SPPL3: variants seen among roughly 807,000 people sequenced by gnomAD.
SPPL3 encodes signal peptide peptidase-like 3.
In SPPL3, 5 loss-of-function variants were observed where a neutral mutation model predicts 42.4. The ratio of observed to expected loss-of-function variants is 0.12; its 90% CI spans 0.06 to 0.25. SPPL3 has a LOEUF of 0.25. SPPL3 is among the 10% of genes least tolerant of loss of function. The probability of loss-of-function intolerance (pLI) is 1.00; values close to 1 mark genes in which losing one functional copy is unlikely to be tolerated. For missense variants in SPPL3, 235 were observed against 489.0 expected (o/e 0.48, Z 4.90); for synonymous variants, 195 against 181.8 (o/e 1.07, Z -0.58).
chr12:120,863,322 T>G (rs1243774756), intron 1 of SPPL3, among the ~76,000 whole-genome samples: 1 of 151,470 alleles, frequency 6.6e-6, no homozygotes, highest in Non-Finnish European at 1.5e-5. Context: ...CACCCCAGCC[T>G]GGGTGACAGA....
chr12:120,874,737 A>C (rs987730841), intron 1 of SPPL3, among the ~76,000 whole-genome samples: 3 of 151,434 alleles, frequency 2.0e-5, no homozygotes, highest in African/African-American at 7.3e-5. Flanking sequence ...TGTGGGGGAG[A>C]GTTTGGGATA....
chr12:120,798,271 G>A (rs995294921), intron 2 of SPPL3, among the ~76,000 whole-genome samples: 2 of 152,110 alleles, frequency 1.3e-5, no homozygotes, highest in African/African-American at 4.8e-5. Flanking sequence ...TTCATATACA[G>A]TATTTGAGAC....
chr12:120,899,610 G>A (rs1873911866), intron 1 of SPPL3, among the ~76,000 whole-genome samples: 1 of 152,028 alleles, frequency 6.6e-6, no homozygotes, highest in Non-Finnish European at 1.5e-5. Context: ...TAAAAAGATC[G>A]CCGGGCACAG....
chr12:120,766,124 ACACACACACACACACACAGT>A, intron 10 of SPPL3, 119 bp downstream of exon 10: 6 of 578,198 alleles, frequency 1.0e-5, no homozygotes, highest in South Asian at 4.6e-5. Flanking sequence ...ACACACACAC[ACACACACACACACACACAGT>A]CGAGATCACA....
chr12:120,864,466 C>T (rs541160640), intron 1 of SPPL3, among the ~76,000 whole-genome samples: 3 of 152,194 alleles, frequency 2.0e-5, no homozygotes, highest in South Asian at 2.1e-4. Context: ...ACCTGGGAGT[C>T]GGAGGCTGCA....
chr12:120,900,744 G>A (rs1324831173), intron 1 of SPPL3, among the ~76,000 whole-genome samples: 1 of 151,754 alleles, frequency 6.6e-6, no homozygotes, highest in Non-Finnish European at 1.5e-5. Flanking sequence ...CCTGTCTCTA[G>A]TAAAAATACA....
chr12:120,775,131 G>A (rs1241970989), intron 6 of SPPL3, among the ~76,000 whole-genome samples: 4 of 151,968 alleles, frequency 2.6e-5, no homozygotes, highest in Non-Finnish European at 4.4e-5. Flanking sequence ...TGGAGTCAGC[G>A]CACCAAGAGT....
Position 120,784,532 on chromosome 12 carries a change from AAG to A in SPPL3, c.250_251del (p.Leu84PhefsTer8). On this transcript the variant is annotated frameshift_variant, in exon 4 of 11. Coordinates refer to ENST00000353487, the MANE Select transcript of SPPL3 (RefSeq NM_139015.5). LOFTEE classifies it high-confidence loss of function. ...LFLPIGASVS[L>X]LVMFFFFDSV... ...AGTCAAAGAAGAAGAACATTACTAAAAGAGAGACAGATGCTCCAATTGGAAGG... is the reference window on the plus strand; with the variant it reads ...AGTCAAAGAAGAAGAACATTACTAAAAGAGACAGATGCTCCAATTGGAAGG... 6.2e-7 allele frequency: 1 copy of A among 1,613,194 alleles called. No individual in the cohort carries two copies. Among genetic ancestry groups the A allele is most frequent in the Non-Finnish European group, 8.5e-7 (1 of 1,179,304 alleles).
chr12:120,897,752 T>G (rs1593017202), intron 1 of SPPL3, among the ~76,000 whole-genome samples: 1 of 152,102 alleles, frequency 6.6e-6, no homozygotes, highest in East Asian at 1.9e-4. Context: ...GAGCAAATCT[T>G]CTAAAGTCTA....
chr12:120,856,501 A>ATC (rs1872462350), intron 1 of SPPL3, among the ~76,000 whole-genome samples: 2 of 105,574 alleles, frequency 1.9e-5, no homozygotes. Context: ...AACAATTTTC[A>ATC]TCTTTTTTTT....
chr12:120,833,619 C>A (rs1871502191), intron 1 of SPPL3, among the ~76,000 whole-genome samples: 1 of 130,778 alleles, frequency 7.6e-6, no homozygotes, highest in Non-Finnish European at 1.5e-5. Flanking sequence ...CACTTGAGGC[C>A]AGGAGTTGGG....
At chr12:120,882,498 G>A (rs1324825293) in intron 1 of SPPL3, among the ~76,000 whole-genome samples, 1 of 152,058 alleles carries the variant, frequency 6.6e-6, no homozygotes, top group South Asian at 2.1e-4. Flanking sequence ...CACATTTCTA[G>A]AAAGATAGAA....
chr12:120,867,087 T>A (rs555611682), intron 1 of SPPL3, among the ~76,000 whole-genome samples: 6 of 152,348 alleles, frequency 3.9e-5, no homozygotes, highest in Non-Finnish European at 5.9e-5. Context: ...TTTCTATTGC[T>A]TTTAACTGTA....
chr12:120,765,671 TA>T (rs1244035709), intron 10 of SPPL3, among the ~76,000 whole-genome samples: 5 of 152,174 alleles, frequency 3.3e-5, no homozygotes, highest in Admixed American at 3.3e-4. Context: ...CCACTATTTT[TA>T]GGAGGACTCC....
intron 1 of SPPL3, among the ~76,000 whole-genome samples, chr12:120,900,566 C>A (rs949562883): frequency 1.3e-5 from 2 of 148,426 alleles, no homozygotes; most frequent in Non-Finnish European, 3.0e-5. Context: ...TGCACTCCAG[C>A]CTGCATGATA....
chr12:120,781,554 CGTTTTTT>C (rs1566039997), intron 6 of SPPL3, among the ~76,000 whole-genome samples: 3 of 69,162 alleles, frequency 4.3e-5, no homozygotes, highest in African/African-American at 2.1e-4. Flanking sequence ...CTTATTGTTA[CGTTTTTT>C]TTTTTTTTTT....
intron 2 of SPPL3, among the ~76,000 whole-genome samples, chr12:120,793,155 G>A (rs1321581388): frequency 6.6e-6 from 1 of 152,142 alleles, no homozygotes; most frequent in Non-Finnish European, 1.5e-5. Context: ...TACACAAATA[G>A]CCAATGAGCC....
chr12:120,871,925 T>C (rs1330322421), intron 1 of SPPL3, among the ~76,000 whole-genome samples: 1 of 152,226 alleles, frequency 6.6e-6, no homozygotes, highest in Non-Finnish European at 1.5e-5. Context: ...TGTTTGGATC[T>C]GGGATTTTTC....
chr12:120,824,940 A>G (rs989733000), intron 1 of SPPL3, among the ~76,000 whole-genome samples: 2 of 152,188 alleles, frequency 1.3e-5, no homozygotes, highest in African/African-American at 4.8e-5. Flanking sequence ...TACTGTAACA[A>G]CATATTTCTA....
Sources: allele counts gnomAD v4.1 joint callset (sites outside exome capture counted in the v4.1 genomes callset), GRCh38; gene constraint gnomAD v4.1.1; transcripts MANE v1.5; gene names NCBI Gene and HGNC (gene_info 2026-07-23, HGNC 2026-07-21).